ZHX3: variants seen among roughly 807,000 people sequenced by gnomAD.
ZHX3 encodes zinc fingers and homeoboxes protein 3.
In ZHX3, 20 loss-of-function variants were observed where a neutral mutation model predicts 64.5. The observed-to-expected ratio is 0.31, with a 90% CI of 0.22 to 0.45. The LOEUF is 0.45. ZHX3 is among the 20% of genes least tolerant of loss of function. The pLI, the probability that ZHX3 is intolerant of heterozygous loss-of-function variation, is 1.00. For synonymous variants in ZHX3, 423 were observed against 461.6 expected, an observed-to-expected ratio of 0.92 and a Z score of 1.07; for missense variants, 1,041 against 1,195.8, an observed-to-expected ratio of 0.87 and a Z score of 1.91.
rs1568776555 is a variant in ZHX3 at position 41,185,197 on chromosome 20, T to C, written c.2865A>G (p.Thr955=). The C allele has an allele frequency of 6.2e-7, 1 of 1,608,550 alleles. No individual in the cohort carries two copies. Among genetic ancestry groups the C allele is most frequent in the Non-Finnish European group, 8.5e-7 (1 of 1,176,890 alleles). Reference sequence around the variant, plus strand: ...CACATTAATCAGATCAAATTCAGTCTGTTTCTGAGAAGAAAACACATGCCT... The same window carrying C: ...CACATTAATCAGATCAAATTCAGTCCGTTTCTGAGAAGAAAACACATGCCT... The part of the protein sequence containing the change: ...SSPQAGRQLE[T]D Residue 955 remains threonine (T), a synonymous_variant, in exon 4 of 4, where the codon ACA becomes ACG. Transcript: ENST00000683867. The surrounding 1 kb of genome is among the most constrained non-coding windows in gnomAD (Gnocchi z 5.0).
intron 2 of ZHX3, among the ~76,000 whole-genome samples, chr20:41,243,845 G>A (rs1231642419): frequency 2.6e-5 from 4 of 152,082 alleles, no homozygotes; most frequent in Non-Finnish European, 5.9e-5. Context: ...ACCCTATGAC[G>A]AGGATCAACT....
rs77957086 is a variant in ZHX3 at position 41,241,167 on chromosome 20, A to C, written c.-151+27823T>G. ...CCCTTTTCTCCATATCCTCACCAGC[A>C]TTTGTTACTTATTGCCTGCCTTTTG... On this transcript the variant is annotated intron_variant, in intron 2 of 3. Coordinates refer to ENST00000683867, the MANE Select transcript of ZHX3 (RefSeq NM_001384317.1). Among the ~76,000 whole-genome samples the C allele has an allele frequency of 1.7e-3, 257 of 152,246 alleles. 1 individual carries two copies. Among genetic ancestry groups the C allele is most frequent in the African/African-American group, 5.9e-3 (246 of 41,548 alleles).
At chr20:41,307,212 A>C (rs1329531113) in intron 1 of ZHX3, among the ~76,000 whole-genome samples, 1 of 152,214 alleles carries the variant, frequency 6.6e-6, no homozygotes, top group African/African-American at 2.4e-5. Context: ...AGGCAGAATG[A>C]GGAGCAGCTG....
intron 2 of ZHX3, among the ~76,000 whole-genome samples, chr20:41,215,875 C>A (rs1394204201): frequency 6.7e-6 from 1 of 150,338 alleles, no homozygotes; most frequent in Non-Finnish European, 1.5e-5. Context: ...TGGAGTGAAC[C>A]CAGGAGGCGG....
At chr20:41,218,139 C>T (rs1221875404) in intron 2 of ZHX3, among the ~76,000 whole-genome samples, 4 of 151,968 alleles carry the variant, frequency 2.6e-5, no homozygotes, top group Admixed American at 2.0e-4. Flanking sequence ...GAGCAAGACC[C>T]TGTCTCCTAA....
intron 2 of ZHX3, among the ~76,000 whole-genome samples, chr20:41,235,937 A>G (rs1430292602): frequency 6.6e-6 from 1 of 152,220 alleles, no homozygotes; most frequent in Non-Finnish European, 1.5e-5. Context: ...AGCATACAAA[A>G]TCAATGTGCA....
rs11327834 is a variant in ZHX3 at position 41,266,844 on chromosome 20, C to CTTTTT, written c.-151+2141_-151+2145dup. ...ACAGGCGTGAGCCACCGTGCCCGGCCTTTTTTTTTTTTTTTTTTTTTTTTT... is the reference window on the plus strand; with the variant it reads ...ACAGGCGTGAGCCACCGTGCCCGGCCTTTTTTTTTTTTTTTTTTTTTTTTTTTTTT... On this transcript the variant is annotated intron_variant, in intron 2 of 3. Coordinates refer to ENST00000683867, the MANE Select transcript of ZHX3 (RefSeq NM_001384317.1). Among the ~76,000 whole-genome samples the CTTTTT allele has an allele frequency of 7.8e-5, 6 of 76,436 alleles. 1 individual carries two copies. The highest frequency in any genetic ancestry group is 1.3e-4 in the Non-Finnish European group (5 of 37,504). 50.1% of individuals were successfully genotyped at this position (76,436 alleles called of 152,430 possible).
At chr20:41,217,007 A>G (rs2039576951) in intron 2 of ZHX3, among the ~76,000 whole-genome samples, 1 of 152,124 alleles carries the variant, frequency 6.6e-6, no homozygotes, top group African/African-American at 2.4e-5. Flanking sequence ...CCATTTTCCT[A>G]TGGGATGTCA....
chr20:41,238,646 T>C (rs1051889688), intron 2 of ZHX3: 2 of 152,164 alleles, frequency 1.3e-5, no homozygotes, highest in African/African-American at 4.8e-5. Flanking sequence ...CAAGATAAAT[T>C]TGAAAAATAT....
At chr20:41,277,777 G>A (rs1386324309) in intron 1 of ZHX3, among the ~76,000 whole-genome samples, 1 of 136,914 alleles carries the variant, frequency 7.3e-6, no homozygotes, top group African/African-American at 2.8e-5. Flanking sequence ...ATTTTTAGTA[G>A]AGACGGGGTT....
chr20:41,262,551 TTCTCTC>T (rs773579804), intron 2 of ZHX3, among the ~76,000 whole-genome samples: 65 of 151,586 alleles, frequency 4.3e-4, no homozygotes, highest in Non-Finnish European at 6.9e-4. Context: ...CCCTCTCTCT[TTCTCTC>T]TCTCTCTGTA....
chr20:41,205,609 G>A (rs2038641503), intron 2 of ZHX3, among the ~76,000 whole-genome samples: 1 of 152,196 alleles, frequency 6.6e-6, no homozygotes, highest in Non-Finnish European at 1.5e-5. Context: ...TGCTGTAAGA[G>A]CCAGGCCTCT....
In ZHX3 at chr20:41,201,054, G is replaced by C. The variant is rs2038178009; in HGVS notation, c.2860+1003C>G. On this transcript the variant is annotated intron_variant, in intron 3 of 3. Transcript: ENST00000683867. This position sits in a 1 kb window ranked among gnomAD's most constrained non-coding sequence, Gnocchi z 5.0. ...GCAACACCATCCAGGAAATTCTGTG[G>C]GATTTCTGAGGGATAGGCCACTATG... 6.6e-6 allele frequency among the ~76,000 whole-genome samples: 1 copy of C among 152,172 alleles called. No individual in the cohort carries two copies. Among genetic ancestry groups the C allele is most frequent in the Non-Finnish European group, 1.5e-5 (1 of 68,038 alleles).
chr20:41,189,824 T>G (rs962465247), intron 3 of ZHX3, among the ~76,000 whole-genome samples: 13 of 152,210 alleles, frequency 8.5e-5, no homozygotes, highest in African/African-American at 3.1e-4. Context: ...TTTCTTTCTC[T>G]TGCCTGATTT....
At chr20:41,218,280 C>T (rs1023237530) in intron 2 of ZHX3, among the ~76,000 whole-genome samples, 30 of 152,088 alleles carry the variant, frequency 2.0e-4, no homozygotes, top group African/African-American at 6.7e-4. Flanking sequence ...TCCGTCTCTA[C>T]AAAAAATTTA....
chr20:41,255,932 A>G (rs1387760545), intron 2 of ZHX3, among the ~76,000 whole-genome samples: 1 of 152,172 alleles, frequency 6.6e-6, no homozygotes, highest in African/African-American at 2.4e-5. Flanking sequence ...AAGCCTTACC[A>G]AAGTGTTTTC....
chr20:41,280,682 G>A (rs760552726), intron 1 of ZHX3, among the ~76,000 whole-genome samples: 13 of 152,024 alleles, frequency 8.6e-5, no homozygotes, highest in Admixed American at 2.0e-4. Flanking sequence ...CTCCCAAAGC[G>A]CTGGGATTAT....
At chr20:41,283,166 T>C (rs746805908) in intron 1 of ZHX3, among the ~76,000 whole-genome samples, 11 of 152,146 alleles carry the variant, frequency 7.2e-5, no homozygotes, top group Non-Finnish European at 1.3e-4. Context: ...GCCTTGGCCT[T>C]CCAAAGTACT....
rs1194196546 is a variant in ZHX3, at chr20:41,185,217, A to G, written c.2861-16T>C. 1 of 1,601,082 alleles carries G rather than the reference A, an allele frequency of 6.2e-7. No individual in the cohort carries two copies. The highest frequency in any genetic ancestry group is 8.5e-7 in the Non-Finnish European group (1 of 1,172,034). ...CAGTCTGTTTCTGAGAAGAAAACAC[A>G]TGCCTGTCACTCTACGGCAGCTGCC... is the stretch of plus-strand genomic sequence containing the variant. On this transcript the variant is annotated splice_polypyrimidine_tract_variant and intron_variant, in intron 3 of 3. Transcript: ENST00000683867. The surrounding 1 kb of genome is among the most constrained non-coding windows in gnomAD (Gnocchi z 5.0).
Sources: gnomAD v4.1 joint callset for allele counts (sites outside exome capture counted in the v4.1 genomes callset) on GRCh38, gnomAD v4.1.1 for gene constraint, Gnocchi (gnomAD v3.1) non-coding constraint, MANE v1.5 for transcripts, NCBI Gene and HGNC (gene_info 2026-07-23, HGNC 2026-07-21) for gene names.